SSPN: variants seen among roughly 807,000 people sequenced by gnomAD.
SSPN encodes sarcospan, also known as K-ras oncogene-associated protein.
A neutral mutation model predicts 19.1 loss-of-function variants in SSPN; 15 were observed. The ratio of observed to expected loss-of-function variants is 0.78; its 90% CI spans 0.52 to 1.21. SSPN has a LOEUF of 1.21. Among genes scored for constraint, SSPN ranks in the 50% most tolerant of loss-of-function variants. SSPN has a pLI of 0.00. For missense variants in SSPN, 291 were observed against 314.0 expected, an observed-to-expected ratio of 0.93 and a Z score of 0.55; for synonymous variants, 147 against 140.3, an observed-to-expected ratio of 1.05 and a Z score of -0.34.
intron 1 of SSPN, among the ~76,000 whole-genome samples, chr12:26,168,388 C>T (rs1392537061): frequency 6.6e-6 from 1 of 152,172 alleles, no homozygotes; most frequent in Non-Finnish European, 1.5e-5. Flanking sequence ...GGGCAATCCA[C>T]CCCGCCCAGT....
rs184225044 is a variant in SSPN, at chr12:26,220,060, C to T, written c.280-4233C>T. 1.5e-3 allele frequency among the ~76,000 whole-genome samples: 233 copies of T among 152,202 alleles called. 1 individual carries two copies. The highest frequency in any genetic ancestry group is 6.8e-3 in the Middle Eastern group (2 of 294). Reference sequence around the variant, plus strand: ...GCCAGAATGCCGTGTCTTCCTGGCACGTCCACGTCCTGCCAACTCAGGAGA... The same window carrying T: ...GCCAGAATGCCGTGTCTTCCTGGCATGTCCACGTCCTGCCAACTCAGGAGA... On this transcript the variant is annotated intron_variant, in intron 1 of 2. Transcript: ENST00000242729.
chr12:26,167,454 C>T (rs1944628209), intron 1 of SSPN, among the ~76,000 whole-genome samples: 1 of 152,214 alleles, frequency 6.6e-6, no homozygotes, highest in African/African-American at 2.4e-5. Flanking sequence ...CTGAGGATAG[C>T]AGCTTGTTCT....
At chr12:26,198,359 T>C (rs1485274100) in intron 1 of SSPN, among the ~76,000 whole-genome samples, 1 of 152,236 alleles carries the variant, frequency 6.6e-6, no homozygotes, top group African/African-American at 2.4e-5. Context: ...TGCTAACTTG[T>C]GTGCCGAATA....
chr12:26,212,797 A>G (rs11048431), intron 1 of SSPN, among the ~76,000 whole-genome samples: 77,763 of 151,982 alleles, frequency 0.51, 20,468 homozygotes, highest in East Asian at 0.81. Context: ...GCTAGCTACG[A>G]TTTTGTTCAC....
intron 1 of SSPN, among the ~76,000 whole-genome samples, chr12:26,177,733 C>T (rs757006774): frequency 2.0e-5 from 3 of 152,008 alleles, no homozygotes; most frequent in Non-Finnish European, 2.9e-5. Flanking sequence ...TCTGGAGATC[C>T]TAAGTGTCAT....
chr12:26,187,483 T>A (rs1944761221), intron 1 of SSPN, among the ~76,000 whole-genome samples: 1 of 152,248 alleles, frequency 6.6e-6, no homozygotes, highest in African/African-American at 2.4e-5. Flanking sequence ...ATGAGATAAT[T>A]TGAAATCAGT....
In SSPN at chr12:26,185,478, C is replaced by T. The variant is rs377759018; in HGVS notation, c.-30-38815C>T. Reference sequence around the variant, plus strand: ...TTGGGTATTTAGTCGGTCAGCTCTTCCCCCACTCACACAGCACCTTGTACT... The same window carrying T: ...TTGGGTATTTAGTCGGTCAGCTCTTTCCCCACTCACACAGCACCTTGTACT... On this transcript the variant is annotated intron_variant, in intron 1 of 2. Coordinates refer to the SSPN transcript ENST00000538142. 1.5e-4 allele frequency among the ~76,000 whole-genome samples: 23 copies of T among 152,288 alleles called. No individual in the cohort carries two copies. The East Asian group carries it at 1.9e-3, about 13-fold the overall frequency.
intron 1 of SSPN, among the ~76,000 whole-genome samples, chr12:26,144,327 C>T (rs533377116): frequency 4.1e-4 from 63 of 152,266 alleles, no homozygotes; most frequent in African/African-American, 1.4e-3. Flanking sequence ...TGCTGGCCAC[C>T]AGGCTGTAAG....
chr12:26,122,462 GA>G, intron 1 of SSPN: 3 of 1,353,832 alleles, frequency 2.2e-6, no homozygotes, highest in Admixed American at 2.8e-5. Flanking sequence ...AGAGGAAGCA[GA>G]AGGGCAGGCA....
At chr12:26,122,023 C>G (rs911470692) in exon 1 of SSPN, 6 of 1,547,162 alleles carry the variant, frequency 3.9e-6, no homozygotes, top group Non-Finnish European at 5.2e-6. Flanking sequence ...GGTATTTTAA[C>G]TTCTCACTCT....
chr12:26,123,500 A>G, intron 1 of SSPN: 1 of 778,166 alleles, frequency 1.3e-6, no homozygotes, highest in African/African-American at 1.7e-5. Context: ...AGTATAAGCA[A>G]TTTAACAAAT....
At chr12:26,163,639 T>A (rs189395011) in intron 1 of SSPN, among the ~76,000 whole-genome samples, 2 of 152,276 alleles carry the variant, frequency 1.3e-5, no homozygotes, top group East Asian at 3.9e-4. Context: ...AGGACATTAA[T>A]CTCATTAAGA....
At chr12:26,220,727 G>A (rs1272463958) in intron 1 of SSPN, among the ~76,000 whole-genome samples, 1 of 152,038 alleles carries the variant, frequency 6.6e-6, no homozygotes, top group African/African-American at 2.4e-5. Context: ...CTCCCATTCT[G>A]CCCCTCCTTT....
At chr12:26,213,390 G>C (rs80233910) in intron 1 of SSPN, among the ~76,000 whole-genome samples, 194 of 152,274 alleles carry the variant, frequency 1.3e-3, no homozygotes, top group Non-Finnish European at 2.4e-3. Context: ...TCCTAGAGAT[G>C]ATGAAACCGA....
intron 1 of SSPN, among the ~76,000 whole-genome samples, chr12:26,177,349 T>C (rs1944690571): frequency 6.6e-6 from 1 of 152,200 alleles, no homozygotes; most frequent in Non-Finnish European, 1.5e-5. Context: ...GCTACATGGC[T>C]CTAGACACTC....
intron 1 of SSPN, among the ~76,000 whole-genome samples, chr12:26,144,430 C>T (rs1424677313): frequency 6.6e-6 from 1 of 152,176 alleles, no homozygotes; most frequent in Non-Finnish European, 1.5e-5. Context: ...GTTACTGTAG[C>T]CCTAGTAATA....
intron 1 of SSPN, among the ~76,000 whole-genome samples, chr12:26,196,982 C>T (rs2137458241): frequency 6.6e-6 from 1 of 152,332 alleles, no homozygotes; most frequent in East Asian, 1.9e-4. Context: ...TGCATTATTT[C>T]ATTTGAGCCA....
At chr12:26,209,163 T>G (rs568937517) in intron 1 of SSPN, among the ~76,000 whole-genome samples, 3 of 152,276 alleles carry the variant, frequency 2.0e-5, no homozygotes, top group African/African-American at 7.2e-5. Context: ...AAAGATGATC[T>G]CACCATTTAT....
chr12:26,131,152 T>A (rs1225347189), intron 1 of SSPN, among the ~76,000 whole-genome samples: 1 of 152,214 alleles, frequency 6.6e-6, no homozygotes, highest in Non-Finnish European at 1.5e-5. Flanking sequence ...GTTGGCAGCA[T>A]CATTTTATTG....
Sources: allele counts gnomAD v4.1 joint callset (sites outside exome capture counted in the v4.1 genomes callset), GRCh38; gene constraint gnomAD v4.1.1; transcripts MANE v1.5; gene names NCBI Gene and HGNC (gene_info 2026-07-23, HGNC 2026-07-21).